NOL12: variants seen among roughly 807,000 people sequenced by gnomAD.
NOL12 encodes the protein nucleolar protein 12.
In NOL12, 21 loss-of-function variants were observed where a neutral mutation model predicts 25.2. The observed-to-expected ratio is 0.83, with a 90% confidence interval of 0.59 to 1.20. NOL12 has a LOEUF of 1.20. Among genes scored for constraint, NOL12 ranks in the 50% most tolerant of loss-of-function variants. NOL12 has a pLI of 0.00. For missense variants in NOL12, 286 were observed against 287.6 expected, an observed-to-expected ratio of 0.99 and a Z score of 0.04; for synonymous variants, 133 against 113.8, an observed-to-expected ratio of 1.17 and a Z score of -1.08.
intron 2 of NOL12, 136 bp downstream of exon 2, chr22:37,688,151 A>C: frequency 9.5e-7 from 1 of 1,054,690 alleles, no homozygotes; most frequent in Non-Finnish European, 1.4e-6. Flanking sequence ...ATACAGGTGG[A>C]GACTCTGTGG....
intron 4 of NOL12, among the ~76,000 whole-genome samples, chr22:37,690,354 T>G (rs549563305): frequency 6.6e-6 from 1 of 152,242 alleles, no homozygotes; most frequent in African/African-American, 2.4e-5. Flanking sequence ...AACAAAACCA[T>G]ACTGATCTCA....
chr22:37,690,874 C>G, intron 5 of NOL12, 80 bp downstream of exon 5: 1 of 1,064,824 alleles, frequency 9.4e-7, no homozygotes, highest in East Asian at 2.4e-5. Context: ...TGGTGTGGAG[C>G]AGGTGTAGGG....
rs746327820 is a variant in NOL12 at position 37,687,930 on chromosome 22, A to G, written c.104A>G (p.His35Arg). The G allele has an allele frequency of 6.3e-7, 1 of 1,579,096 alleles. No individual in the cohort carries two copies. Among genetic ancestry groups the G allele is most frequent in the South Asian group, 1.2e-5 (1 of 85,826 alleles). ...EKRREYLTGF[H>R]KRKVERKKAA... ...TGTAGGGAGTACCTGACAGGCTTCCACAAGCGGAAGGTCGAGCGAAAGAAG... is the reference window on the plus strand; with the variant it reads ...TGTAGGGAGTACCTGACAGGCTTCCGCAAGCGGAAGGTCGAGCGAAAGAAG... Residue 35 changes from histidine (H) to arginine (R), a missense_variant, in exon 2 of 6, where the codon CAC becomes CGC. Coordinates refer to ENST00000359114, the MANE Select transcript of NOL12 (RefSeq NM_024313.3).
Position 37,692,354 on chromosome 22 carries a change from CAAAA to C in NOL12, c.*1024_*1027del, listed in dbSNP as rs1017044894. 3 of 387,468 alleles carry C rather than the reference CAAAA, an allele frequency of 7.7e-6. No individual in the cohort carries two copies. The highest frequency in any genetic ancestry group is 6.2e-5 in the African/African-American group (3 of 48,022). 24.0% of individuals were successfully genotyped at this position (387,468 alleles called of 1,614,324 possible). ...CCTGGGCAACGTTGTGACCTTGTCTCAAAAAAAAACTAAAAAATAAAGCAGTTGC... is the reference window on the plus strand; with the variant it reads ...CCTGGGCAACGTTGTGACCTTGTCTCAAAAACTAAAAAATAAAGCAGTTGC... On this transcript the variant is annotated 3_prime_UTR_variant, in exon 6 of 6. Transcript: ENST00000359114.
At chr22:37,687,304 T>C in intron 1 of NOL12, among the ~76,000 whole-genome samples, 1 of 118,700 alleles carries the variant, frequency 8.4e-6, no homozygotes, top group East Asian at 2.9e-4. Flanking sequence ...TGCCTGAACC[T>C]GAGATCCCTG....
intron 1 of NOL12, 45 bp downstream of exon 1, chr22:37,686,520 C>A: frequency 6.5e-7 from 1 of 1,537,850 alleles, no homozygotes; most frequent in Non-Finnish European, 8.7e-7. Flanking sequence ...CTGTTCTTCG[C>A]GGCCAAGGCC....
rs532428172 is a variant in NOL12 at position 37,693,027 on chromosome 22, T to C, written c.*1691T>C. On this transcript the variant is annotated 3_prime_UTR_variant, in exon 6 of 6. Coordinates refer to ENST00000359114, the MANE Select transcript of NOL12 (RefSeq NM_024313.3). ...ACCAAGTTGTCTTCCCCGGGTGGCA[T>C]GTGCCACTTGGCTGCCTCGTGCCTG... is the stretch of plus-strand genomic sequence containing the variant. The C allele has an allele frequency of 7.6e-6, 2 of 262,536 alleles. No individual in the cohort carries two copies. Among genetic ancestry groups the C allele is most frequent in the Non-Finnish European group, 1.4e-5 (2 of 139,340 alleles). 16.3% of individuals were successfully genotyped at this position (262,536 alleles called of 1,614,324 possible).
rs1485656348 is a variant in NOL12 at position 37,692,852 on chromosome 22, G to T, written c.*1516G>T. 7.5e-6 allele frequency: 3 copies of T among 397,352 alleles called. No homozygotes were observed. The highest frequency in any genetic ancestry group is 6.2e-5 in the African/African-American group (3 of 48,628). 24.6% of individuals were successfully genotyped at this position (397,352 alleles called of 1,614,324 possible). On this transcript the variant is annotated 3_prime_UTR_variant, in exon 6 of 6. Coordinates refer to ENST00000359114, the MANE Select transcript of NOL12 (RefSeq NM_024313.3). The stretch of plus-strand genomic sequence containing the variant: ...CTCAGTTATGCTGTACCTGGGAGTG[G>T]GCAGGCCCTCTCCCATGTCACCATC...
intron 4 of NOL12, among the ~76,000 whole-genome samples, chr22:37,690,313 G>C (rs1361634115): frequency 6.6e-6 from 1 of 152,228 alleles, no homozygotes; most frequent in Non-Finnish European, 1.5e-5. Context: ...CTGGGTGACA[G>C]AGCGAGACTC....
rs1409862435 is a variant in NOL12, at chr22:37,686,459, G to T, written c.67G>T (p.Asp23Tyr). Residue 23 changes from aspartate to tyrosine, a missense_variant, in exon 1 of 6, where the codon GAC (aspartate) becomes TAC (tyrosine). Transcript: ENST00000359114. ...DRRPRLVLSF[D>Y]EEKRREYLTG... ...GCGGCCGAGGCTCGTTCTTAGCTTC[G>T]ACGAGGAGAAGAGGCGGTGAGTGGC... 1.2e-6 allele frequency: 2 copies of T among 1,603,134 alleles called. No individual in the cohort carries two copies. The highest frequency in any genetic ancestry group is 1.7e-6 in the Non-Finnish European group (2 of 1,176,070).
Position 37,690,781 on chromosome 22 carries a change from CT to C in NOL12, c.467del (p.Leu156ArgfsTer88). ...KALPRKSRDP[L>X]LSQRISSLTA... The stretch of plus-strand genomic sequence containing the variant: ...CTTGCCCAGGAAGTCCAGAGACCCC[CT>C]GCTCTCTCAGCGGTGAGTCTTGGCC... On this transcript the variant is annotated frameshift_variant, in exon 5 of 6. Transcript: ENST00000359114. LOFTEE classifies it high-confidence loss of function. 6.2e-7 allele frequency: 1 copy of C among 1,613,410 alleles called. No individual in the cohort carries two copies. The highest frequency in any genetic ancestry group is 8.5e-7 in the Non-Finnish European group (1 of 1,179,388).
In NOL12 at chr22:37,689,002, A is replaced by G. The variant is rs747975730; in HGVS notation, c.381+10A>G. 1 of 1,610,012 alleles carries G rather than the reference A, an allele frequency of 6.2e-7. No individual in the cohort carries two copies. The highest frequency in any genetic ancestry group is 1.7e-5 in the Admixed American group (1 of 60,026). ...GCTGACCCCACCTGAGGTGGGTCCC[A>G]GTCTCAGCCCTGGGAGGAAGGGGCG... On this transcript the variant is annotated intron_variant, in intron 4 of 5. Coordinates refer to ENST00000359114, the MANE Select transcript of NOL12 (RefSeq NM_024313.3).
rs771820074 is a variant in NOL12, at chr22:37,688,953, C to T, written c.342C>T (p.Asp114=). Residue 114 remains aspartate, a synonymous_variant, in exon 4 of 6, where the codon GAC becomes GAT. Coordinates refer to ENST00000359114, the MANE Select transcript of NOL12 (RefSeq NM_024313.3). ...TVTVTTISDL[D]LSGARLLGLT... is the part of the protein sequence containing the mutation. The stretch of plus-strand genomic sequence containing the variant: ...CCGTGACCACCATCAGTGACCTGGA[C>T]CTCTCGGGGGCCCGGCTGCTCGGGC... 13 of 1,613,716 alleles carry T rather than the reference C, an allele frequency of 8.1e-6. 1 individual carries two copies. The highest frequency in any genetic ancestry group is 7.7e-5 in the South Asian group (7 of 91,074).
chr22:37,688,715 T>C, intron 3 of NOL12, 135 bp from the exon 4 acceptor site: 1 of 834,440 alleles, frequency 1.2e-6, no homozygotes. Flanking sequence ...CAGACCAGGC[T>C]CTACAGCCAG....
rs865840507 is a variant in NOL12, at chr22:37,687,818, A to G, written c.84-92A>G. On this transcript the variant is annotated intron_variant, in intron 1 of 5. Transcript: ENST00000359114. ...TTTTTTGGAATGGTGCCTAGCACAT[A>G]GTGAGCGCGGCATTAGCCATTTTTC... is the stretch of plus-strand genomic sequence containing the variant. 56 of 900,030 alleles carry G rather than the reference A, an allele frequency of 6.2e-5. No individual in the cohort carries two copies. In the African/African-American group the frequency reaches 8.0e-4, roughly 13 times the overall value. 55.8% of individuals were successfully genotyped at this position (900,030 alleles called of 1,614,324 possible).
chr22:37,688,392 C>T (rs763908576), intron 3 of NOL12, 32 bp downstream of exon 3: 1 of 1,607,810 alleles, frequency 6.2e-7, no homozygotes, highest in Non-Finnish European at 8.5e-7. Context: ...ACCTGGAGAA[C>T]AGCTGATGGG....
In NOL12 at chr22:37,689,545, A is replaced by T. The variant is rs1383166495; in HGVS notation, c.381+553A>T. Among the ~76,000 whole-genome samples, 5 of 152,226 alleles carry T rather than the reference A, an allele frequency of 3.3e-5. 1 individual carries two copies. Among genetic ancestry groups the T allele is most frequent in the African/African-American group, 9.7e-5 (4 of 41,446 alleles). On this transcript the variant is annotated intron_variant, in intron 4 of 5. Coordinates refer to ENST00000359114, the MANE Select transcript of NOL12 (RefSeq NM_024313.3). ...AGGTTGCAATCAGCATAAAAAAAAA[A>T]TATAATTGAAAATATCCGAAAGTGT...
rs1167336830 is a variant in NOL12, at chr22:37,691,174, G to A, written c.480G>A (p.Arg160=). 8 of 1,605,878 alleles carry A rather than the reference G, an allele frequency of 5.0e-6. No individual in the cohort carries two copies. The South Asian group carries it at 8.8e-5, about 18-fold the overall frequency. The part of the protein sequence containing the change: ...RKSRDPLLSQ[R]ISSLTASLHA... ...ACTGAGGCTTTCTGCCCTCCCCTAG[G>A]ATCTCCTCCCTCACAGCATCACTAC... The change falls in exon 6 of 6, where the codon CGG becomes CGA. Residue 160 remains arginine, a splice_region_variant and synonymous_variant. Coordinates refer to ENST00000359114, the MANE Select transcript of NOL12 (RefSeq NM_024313.3).
Position 37,686,944 on chromosome 22 carries a change from G to C in NOL12, c.83+469G>C, listed in dbSNP as rs1051688709. 1.0e-5 allele frequency: 10 copies of C among 985,340 alleles called. No individual in the cohort carries two copies. In the African/African-American group the frequency reaches 1.7e-4, roughly 17 times the overall value. The allele number at this position is 985,340 out of a possible 1,614,324, so 61.0% of individuals were successfully genotyped here. ...CTGGCCAGATAAATAAATGGCACATGGTAGCGGGTCAGCGAAAAGCCCAGT... is the reference window on the plus strand; with the variant it reads ...CTGGCCAGATAAATAAATGGCACATCGTAGCGGGTCAGCGAAAAGCCCAGT... On this transcript the variant is annotated intron_variant, in intron 1 of 5. Coordinates refer to ENST00000359114, the MANE Select transcript of NOL12 (RefSeq NM_024313.3).
Sources: gnomAD v4.1 joint callset for allele counts (sites outside exome capture counted in the v4.1 genomes callset) on GRCh38, gnomAD v4.1.1 for gene constraint, MANE v1.5 for transcripts, NCBI Gene and HGNC (gene_info 2026-07-23, HGNC 2026-07-21) for gene names.